XKR6: variants seen among roughly 807,000 people sequenced by gnomAD.
The protein encoded by XKR6 is XK related 6.
In XKR6, 22 loss-of-function variants were observed where a neutral mutation model predicts 56.7. The ratio of observed to expected loss-of-function variants is 0.39; its 90% CI spans 0.28 to 0.55. XKR6 has a LOEUF of 0.55. Ranked by LOEUF, XKR6 falls within the 20% of genes least tolerant of loss-of-function variation. XKR6 has a pLI of 0.66. For missense variants in XKR6, 852 were observed against 889.0 expected, an observed-to-expected ratio of 0.96 and a Z score of 0.53; for synonymous variants, 524 against 387.8, an observed-to-expected ratio of 1.35 and a Z score of -4.13.
chr8:10,955,766 G>A (rs1801868436), intron 1 of XKR6, among the ~76,000 whole-genome samples: 1 of 152,172 alleles, frequency 6.6e-6, no homozygotes, highest in South Asian at 2.1e-4. Context: ...GAAGAAGTTG[G>A]TGTGTAGAGA....
intron 1 of XKR6, among the ~76,000 whole-genome samples, chr8:10,959,854 T>C (rs1205445545): frequency 6.6e-6 from 1 of 151,592 alleles, no homozygotes; most frequent in Non-Finnish European, 1.5e-5. Context: ...CTGGGAGGAG[T>C]CTGAGAATGG....
intron 1 of XKR6, among the ~76,000 whole-genome samples, chr8:11,129,668 G>A (rs1342677608): frequency 6.6e-6 from 1 of 152,162 alleles, no homozygotes; most frequent in East Asian, 1.9e-4. Flanking sequence ...ATAAAACCTT[G>A]ATTCTACCAG....
At chr8:11,078,407 G>C (rs999978621) in intron 1 of XKR6, among the ~76,000 whole-genome samples, 27 of 152,192 alleles carry the variant, frequency 1.8e-4, no homozygotes, top group African/African-American at 6.5e-4. Context: ...AAATACTGGT[G>C]CTGGGATCCA....
chr8:11,194,667 A>C (rs1803771152), intron 1 of XKR6: 1 of 152,556 alleles, frequency 6.6e-6, no homozygotes. Context: ...CATCCCACAG[A>C]ATCTTTCCAT....
intron 1 of XKR6, among the ~76,000 whole-genome samples, chr8:10,979,956 T>G (rs1286698597): frequency 6.6e-6 from 1 of 152,224 alleles, no homozygotes; most frequent in Non-Finnish European, 1.5e-5. Flanking sequence ...GGAAGGTTTC[T>G]TCGGGTTCAC....
At chr8:10,980,981 A>G (rs1797720892) in intron 1 of XKR6, among the ~76,000 whole-genome samples, 1 of 152,154 alleles carries the variant, frequency 6.6e-6, no homozygotes, top group African/African-American at 2.4e-5. Context: ...GTTTCAGAAA[A>G]AAAAAAGAGA....
chr8:10,910,123 C>T (rs558310138), intron 2 of XKR6, among the ~76,000 whole-genome samples: 3 of 152,056 alleles, frequency 2.0e-5, no homozygotes, highest in Admixed American at 6.5e-5. Context: ...TGTCACAACT[C>T]GGGGTGCAGG....
chr8:11,094,453 G>A (rs1798204248), intron 1 of XKR6, among the ~76,000 whole-genome samples: 1 of 152,174 alleles, frequency 6.6e-6, no homozygotes, highest in South Asian at 2.1e-4. Context: ...ACCTCCCAAA[G>A]TGCTGGGAGT....
chr8:11,088,583 T>A (rs1393239605), intron 1 of XKR6, among the ~76,000 whole-genome samples: 1 of 152,192 alleles, frequency 6.6e-6, no homozygotes, highest in East Asian at 1.9e-4. Flanking sequence ...CCTTCCTTCC[T>A]TAGGTGACAA....
At chr8:10,944,007 C>T (rs747745125) in intron 1 of XKR6, among the ~76,000 whole-genome samples, 4 of 152,104 alleles carry the variant, frequency 2.6e-5, no homozygotes, top group Non-Finnish European at 5.9e-5. Context: ...CTCCAATATC[C>T]GAGCTCTCCT....
At chr8:10,957,410 C>A (rs1007552513) in intron 1 of XKR6, among the ~76,000 whole-genome samples, 1 of 152,208 alleles carries the variant, frequency 6.6e-6, no homozygotes, top group African/African-American at 2.4e-5. Context: ...TTCCTTCAGG[C>A]CCTTCTACTC....
chr8:11,059,158 TGG>T (rs1799762606), intron 1 of XKR6, among the ~76,000 whole-genome samples: 3 of 152,218 alleles, frequency 2.0e-5, no homozygotes, highest in Non-Finnish European at 4.4e-5. Flanking sequence ...ATCCACGGCG[TGG>T]CGGCCAGGGT....
intron 1 of XKR6, among the ~76,000 whole-genome samples, chr8:10,963,768 C>A (rs1259534711): frequency 1.3e-5 from 2 of 151,600 alleles, no homozygotes; most frequent in Non-Finnish European, 2.9e-5. Flanking sequence ...GGTCTTGAAC[C>A]CCTGGATTCA....
intron 1 of XKR6, chr8:11,137,762 G>C (rs1462410487): frequency 4.4e-6 from 2 of 451,282 alleles, no homozygotes; most frequent in African/African-American, 4.1e-5. Flanking sequence ...TCCTGCTCCG[G>C]TCCTCTTTCT....
chr8:11,157,836 C>G (rs777634130), intron 1 of XKR6, among the ~76,000 whole-genome samples: 2 of 152,110 alleles, frequency 1.3e-5, no homozygotes, highest in Non-Finnish European at 2.9e-5. Context: ...TTCTTAGAGT[C>G]TCTTTTATCT....
intron 1 of XKR6, among the ~76,000 whole-genome samples, chr8:11,180,647 G>A (rs1218850507): frequency 6.6e-6 from 1 of 152,212 alleles, no homozygotes; most frequent in African/African-American, 2.4e-5. Context: ...GCTCACACCT[G>A]CAATCCCAGG....
At chr8:11,114,898 T>C (rs975539867) in intron 1 of XKR6, among the ~76,000 whole-genome samples, 2 of 152,136 alleles carry the variant, frequency 1.3e-5, no homozygotes, top group Non-Finnish European at 2.9e-5. Context: ...ACATGAAAAC[T>C]AACCTTTTTC....
intron 1 of XKR6, among the ~76,000 whole-genome samples, chr8:11,033,183 G>A (rs1323003517): frequency 6.6e-6 from 1 of 152,096 alleles, no homozygotes; most frequent in Non-Finnish European, 1.5e-5. Flanking sequence ...TAATGGTGGT[G>A]AGGATGATGG....
Position 11,200,458 on chromosome 8 carries a change from C to G in XKR6, c.764+118G>C. ...GGAGACGCCAGGGGCGGCGCGCGGC[C>G]GGTCCCTCCTTCGAGCCCCCCGCGC... On this transcript the variant is annotated intron_variant, in intron 1 of 2. Coordinates refer to ENST00000416569, the MANE Select transcript of XKR6 (RefSeq NM_173683.4). The surrounding 1 kb of genome is among the most constrained non-coding windows in gnomAD (Gnocchi z 6.4). 1 of 1,252,960 alleles carries G rather than the reference C, an allele frequency of 8.0e-7. No individual in the cohort carries two copies. Among genetic ancestry groups the G allele is most frequent in the Non-Finnish European group, 1.0e-6 (1 of 979,166 alleles). The allele number at this position is 1,252,960 out of a possible 1,614,324, so 77.6% of individuals were successfully genotyped here. A position where few individuals can be genotyped will look rare whatever the true frequency, so the allele number is the denominator to read the frequency against.
Sources: gnomAD v4.1 joint callset for allele counts (sites outside exome capture counted in the v4.1 genomes callset) on GRCh38, gnomAD v4.1.1 for gene constraint, Gnocchi (gnomAD v3.1) non-coding constraint, MANE v1.5 for transcripts, NCBI Gene and HGNC (gene_info 2026-07-23, HGNC 2026-07-21) for gene names.